ZNF215: variants seen among roughly 807,000 people sequenced by gnomAD.
ZNF215 encodes BWSCR2-associated zinc finger protein 2.
In ZNF215, 24 loss-of-function variants were observed where a neutral mutation model predicts 27.2. That is an observed-to-expected ratio of 0.88 (90% CI 0.64 to 1.24). The LOEUF (loss-of-function observed/expected upper bound fraction) is 1.24. ZNF215 is among the 50% of genes most tolerant of loss of function. The pLI, the probability that ZNF215 is intolerant of heterozygous loss-of-function variation, is 0.00. For missense variants in ZNF215, 675 were observed against 605.7 expected (o/e 1.11, Z -1.20); for synonymous variants, 210 against 204.0 (o/e 1.03, Z -0.25).
At chr11:6,959,197 GGAGA>G (rs1186365693), downstream of ZNF215, among the ~76,000 whole-genome samples, 1 of 152,116 alleles carries the variant, frequency 6.6e-6, no homozygotes, top group Non-Finnish European at 1.5e-5. Context: ...GGAAATGTTA[GGAGA>G]GATGATAAAG....
At chr11:6,980,947 TC>T (rs1299726803) in intron 5 of ZNF215, among the ~76,000 whole-genome samples, 2,659 of 150,336 alleles carry the variant, frequency 0.018, 82 homozygotes, top group African/African-American at 0.062. Flanking sequence ...ACTCATCATT[TC>T]TTATGGCTGC....
chr11:6,981,792 G>A (rs1213943350), intron 5 of ZNF215, among the ~76,000 whole-genome samples: 1 of 151,994 alleles, frequency 6.6e-6, no homozygotes, highest in Non-Finnish European at 1.5e-5. Flanking sequence ...TGTATAAGGT[G>A]TAAGGAAGGG....
At chr11:6,985,719 A>G (rs10769744), downstream of ZNF215, among the ~76,000 whole-genome samples, 36,433 of 152,124 alleles carry the variant, frequency 0.24, 5,727 homozygotes, top group East Asian at 0.62. Flanking sequence ...TACAGAAATC[A>G]GTAGCATTTC....
intron 5 of ZNF215, among the ~76,000 whole-genome samples, chr11:6,963,659 A>G (rs1434900186): frequency 6.6e-6 from 1 of 152,038 alleles, no homozygotes; most frequent in Non-Finnish European, 1.5e-5. Context: ...TAGGTGTGAG[A>G]TTGTTGTGTC....
rs1018019317 is a variant in ZNF215 at position 6,932,304 on chromosome 11, C to T, written c.32C>T (p.Ser11Leu). The T allele has an allele frequency of 4.3e-6, 7 of 1,613,894 alleles. No homozygotes were observed. The highest frequency in any genetic ancestry group is 1.3e-5 in the African/African-American group (1 of 74,858). The change falls in exon 3 of 7, where the codon TCA (serine) becomes TTA (leucine). Residue 11 changes from serine (S) to leucine (L), a missense_variant. Transcript: ENST00000278319. ...CCTCTGAGCAAGTTGATGGCTATCT[C>T]AAAACCTCGAAACCTGTCTCTACGT... is the stretch of plus-strand genomic sequence containing the variant. MQPLSKLMAI[S>L]KPRNLSLREQ...
intron 6 of ZNF215, among the ~76,000 whole-genome samples, chr11:6,944,385 C>A (rs1164209918): frequency 6.7e-6 from 1 of 149,570 alleles, no homozygotes; most frequent in Non-Finnish European, 1.5e-5. Context: ...AGTAATCTTC[C>A]ATTTTTCCTT....
intron 5 of ZNF215, among the ~76,000 whole-genome samples, chr11:6,965,462 A>G (rs529291697): frequency 1.9e-4 from 10 of 53,412 alleles, no homozygotes; most frequent in Middle Eastern, 7.9e-3. Flanking sequence ...ATACCTAAAT[A>G]AAAGATGTTT....
At chr11:6,966,195 A>G (rs943009599) in intron 5 of ZNF215, among the ~76,000 whole-genome samples, 5 of 152,166 alleles carry the variant, frequency 3.3e-5, no homozygotes, top group African/African-American at 1.2e-4. Flanking sequence ...GAATGAAATC[A>G]TGTCCTTTGC....
intron 4 of ZNF215, 44 bp from the exon 5 acceptor site, chr11:6,943,039 T>C (rs757892505): frequency 1.2e-5 from 19 of 1,592,486 alleles, no homozygotes; most frequent in Non-Finnish European, 1.5e-5. Context: ...TGGTAGTGTT[T>C]TGGGGAGTGA....
At chr11:6,952,987 C>T (rs1053779397) in intron 6 of ZNF215, among the ~76,000 whole-genome samples, 2 of 152,070 alleles carry the variant, frequency 1.3e-5, no homozygotes, top group South Asian at 2.1e-4. Context: ...TTCTCCTTCA[C>T]GTATGAAGCT....
intron 5 of ZNF215, among the ~76,000 whole-genome samples, chr11:6,970,532 C>A (rs1850699568): frequency 6.6e-6 from 1 of 152,162 alleles, no homozygotes; most frequent in African/African-American, 2.4e-5. Context: ...TAACAGTACA[C>A]ACTAAAGTGT....
At chr11:6,963,261 A>G (rs1156695497) in intron 5 of ZNF215, among the ~76,000 whole-genome samples, 1 of 151,882 alleles carries the variant, frequency 6.6e-6, no homozygotes, top group African/African-American at 2.4e-5. Context: ...GATTAGGCCT[A>G]TCTATATATA....
In ZNF215 at chr11:6,943,201, A is replaced by G; in HGVS notation, c.602A>G (p.Asn201Ser). 1.2e-6 allele frequency: 2 copies of G among 1,612,808 alleles called. No individual in the cohort carries two copies. Among genetic ancestry groups the G allele is most frequent in the South Asian group, 1.1e-5 (1 of 90,726 alleles). The change falls in exon 5 of 7, where the codon AAT (asparagine) becomes AGT (serine). Residue 201 changes from asparagine to serine, a missense_variant. Physicochemically the swap from Asn to Ser is conservative, Grantham distance 46 (BLOSUM62 1). Transcript: ENST00000278319. The stretch of plus-strand genomic sequence containing the variant: ...ATGCTGGAAAACTTTAGGAACCTGA[A>G]TTCATTGCGTAAAGGTGGTTTCTAT... ...NVMLENFRNL[N>S]SLRKAHLLSK...
At chr11:6,941,688 T>A (rs759996979) in intron 4 of ZNF215, 35 bp downstream of exon 4, 3 of 1,606,044 alleles carry the variant, frequency 1.9e-6, no homozygotes, top group East Asian at 4.5e-5. Flanking sequence ...TGAACACATA[T>A]GCTCATTTTT....
In ZNF215 at chr11:6,932,408, G is replaced by T. The variant is rs1269475827; in HGVS notation, c.136G>T (p.Ala46Ser). ...NPVVETHDSE[A>S]SRQKFRHFQY... The stretch of plus-strand genomic sequence containing the variant: ...CGTCGTGGAGACACATGACTCTGAG[G>T]CATCTCGTCAAAAGTTCAGACATTT... The change falls in exon 3 of 7, where the codon GCA becomes TCA. Residue 46 changes from alanine to serine, a missense_variant. By Grantham distance (99) the Ala-to-Ser change is moderately conservative. Coordinates refer to ENST00000278319, the MANE Select transcript of ZNF215 (RefSeq NM_013250.4). The T allele has an allele frequency of 2.5e-6, 4 of 1,614,140 alleles. No homozygotes were observed. In the South Asian group the frequency reaches 4.4e-5, roughly 18 times the overall value.
chr11:6,971,218 A>G (rs1205117780), intron 5 of ZNF215, among the ~76,000 whole-genome samples: 5 of 152,130 alleles, frequency 3.3e-5, no homozygotes, highest in Non-Finnish European at 7.3e-5. Flanking sequence ...CTGAATCCTC[A>G]TTGCCTAGCA....
At chr11:6,964,985 C>T (rs1160650484) in intron 5 of ZNF215, among the ~76,000 whole-genome samples, 1 of 152,026 alleles carries the variant, frequency 6.6e-6, no homozygotes, top group African/African-American at 2.4e-5. Flanking sequence ...TGAATACATT[C>T]ATTTACTGAA....
At chr11:6,976,186 G>A (rs1004036464) in intron 5 of ZNF215, among the ~76,000 whole-genome samples, 1 of 151,972 alleles carries the variant, frequency 6.6e-6, no homozygotes, top group Non-Finnish European at 1.5e-5. Flanking sequence ...TTTTTGACTG[G>A]ATTATTAGAT....
intron 5 of ZNF215, among the ~76,000 whole-genome samples, chr11:6,967,561 G>A (rs1278182172): frequency 6.6e-6 from 1 of 152,166 alleles, no homozygotes; most frequent in African/African-American, 2.4e-5. Context: ...GACCAGTGAT[G>A]GTGAGCTTTT....
Sources: gnomAD v4.1 joint callset for allele counts (sites outside exome capture counted in the v4.1 genomes callset) on GRCh38, gnomAD v4.1.1 for gene constraint, MANE v1.5 for transcripts, NCBI Gene and HGNC (gene_info 2026-07-23, HGNC 2026-07-21) for gene names.